Variants in GRM5 observed in about 807,000 individuals in gnomAD.
GRM5 encodes the protein metabotropic glutamate receptor 5.
GRM5 carries 19 observed loss-of-function variants against 83.1 expected under a neutral mutation model. That is an observed-to-expected ratio of 0.23 (90% confidence interval 0.16 to 0.34). The LOEUF (loss-of-function observed/expected upper bound fraction) is 0.34. Ranked by LOEUF, GRM5 falls within the 10% of genes least tolerant of loss-of-function variation. The pLI is 1.00. For synonymous variants in GRM5, 675 were observed against 633.6 expected, an observed-to-expected ratio of 1.07 and a Z score of -0.98; for missense variants, 1,160 against 1,588.3, an observed-to-expected ratio of 0.73 and a Z score of 4.58.
At chr11:88,777,391 T>C (rs1472870670) in intron 3 of GRM5, among the ~76,000 whole-genome samples, 1 of 152,204 alleles carries the variant, frequency 6.6e-6, no homozygotes, top group Non-Finnish European at 1.5e-5. Context: ...CATCCTTCTT[T>C]AGCTTGGAGA....
intron 4 of GRM5, among the ~76,000 whole-genome samples, chr11:88,644,465 G>C (rs1279595902): frequency 1.3e-5 from 2 of 152,134 alleles, no homozygotes; most frequent in Non-Finnish European, 2.9e-5. Context: ...ATAATTTAAT[G>C]GAGAAAGATG....
At chr11:88,919,961 G>A (rs511928) in intron 2 of GRM5, among the ~76,000 whole-genome samples, 145,645 of 152,128 alleles carry the variant, frequency 0.96, 69,799 homozygotes, top group East Asian at 0.99. Context: ...ATAAATTTTA[G>A]ATAAAAAACC....
intron 3 of GRM5, among the ~76,000 whole-genome samples, chr11:88,733,148 G>A (rs1393413062): frequency 6.6e-6 from 1 of 151,920 alleles, no homozygotes; most frequent in East Asian, 1.9e-4. Context: ...GTTTCTCTGA[G>A]TATTGATGCA....
At chr11:88,647,900 A>G (rs1381176405) in intron 4 of GRM5, among the ~76,000 whole-genome samples, 1 of 151,910 alleles carries the variant, frequency 6.6e-6, no homozygotes, top group African/African-American at 2.4e-5. Context: ...AACACATGAA[A>G]AAATGCTCAT....
chr11:88,654,934 G>A lies in GRM5; in HGVS notation c.912-1531C>T, dbSNP rs1334442834. Among the ~76,000 whole-genome samples the A allele has an allele frequency of 3.9e-5, 6 of 151,926 alleles. No individual in the cohort carries two copies. In the East Asian group the frequency reaches 9.7e-4, roughly 25 times the overall value. The stretch of plus-strand genomic sequence containing the variant: ...ACTTTGATATAAATATTGATAATTG[G>A]GAGTTATTCCAAATGTCATATATTA... On this transcript the variant is annotated intron_variant, in intron 3 of 9. Coordinates refer to ENST00000305447, the MANE Select transcript of GRM5 (RefSeq NM_001143831.3).
rs201631700 is a variant in GRM5, at chr11:88,523,006, CCT to C, written c.2726+2301_2726+2302del. The C allele has an allele frequency of 1.0e-2, 1,519 of 152,220 alleles. 32 individuals carry two copies. The highest frequency in any genetic ancestry group is 0.034 in the African/African-American group (1,409 of 41,518). 9.4% of individuals were successfully genotyped at this position (152,220 alleles called of 1,614,324 possible). ...GGATCTCCTACTCTCTGTGTACTAC[CCT>C]CTCTGTCCCTTTCCCCTCATTCTCA... is the stretch of plus-strand genomic sequence containing the variant. On this transcript the variant is annotated intron_variant, in intron 9 of 9. Transcript: ENST00000305447.
intron 2 of GRM5, among the ~76,000 whole-genome samples, chr11:88,950,381 TAA>T (rs1196557362): frequency 6.8e-6 from 1 of 147,550 alleles, no homozygotes; most frequent in African/African-American, 2.5e-5. Flanking sequence ...TGTGTGTGTG[TAA>T]CATATGCACA....
At chr11:88,958,093 C>A (rs1342232835) in intron 2 of GRM5, among the ~76,000 whole-genome samples, 1 of 151,806 alleles carries the variant, frequency 6.6e-6, no homozygotes, top group Non-Finnish European at 1.5e-5. Flanking sequence ...CACTTTAACT[C>A]AACTACTTCC....
chr11:88,862,350 C>A (rs1944580016), intron 2 of GRM5, among the ~76,000 whole-genome samples: 2 of 151,730 alleles, frequency 1.3e-5, no homozygotes, highest in South Asian at 2.1e-4. Context: ...TATATTTTTT[C>A]TTTTTGTGAC....
At chr11:88,994,930 T>G (rs1405722880) in intron 2 of GRM5, among the ~76,000 whole-genome samples, 1 of 152,276 alleles carries the variant, frequency 6.6e-6, no homozygotes, top group East Asian at 1.9e-4. Flanking sequence ...TACCTATGCT[T>G]TCATTCCTTC....
intron 2 of GRM5, among the ~76,000 whole-genome samples, chr11:89,017,050 G>A (rs1360239984): frequency 2.0e-5 from 3 of 152,052 alleles, no homozygotes; most frequent in Non-Finnish European, 2.9e-5. Context: ...ACTACACAGA[G>A]GTAGATATAA....
intron 3 of GRM5, among the ~76,000 whole-genome samples, chr11:88,717,886 A>C (rs1192003436): frequency 6.6e-6 from 1 of 151,802 alleles, no homozygotes; most frequent in African/African-American, 2.4e-5. Flanking sequence ...TAGAAGGATA[A>C]TTACGTATTA....
chr11:88,518,130 G>C (rs1026558300), intron 9 of GRM5, among the ~76,000 whole-genome samples: 1 of 151,734 alleles, frequency 6.6e-6, no homozygotes, highest in Non-Finnish European at 1.5e-5. Flanking sequence ...TAAGAAAAGA[G>C]ACTGTTCAAT....
chr11:88,889,388 T>C (rs1439322805), intron 2 of GRM5, among the ~76,000 whole-genome samples: 1 of 152,174 alleles, frequency 6.6e-6, no homozygotes, highest in Non-Finnish European at 1.5e-5. Flanking sequence ...GTCAGATCTC[T>C]TTCACTGTCT....
chr11:88,815,649 C>A (rs1294243456), intron 3 of GRM5, among the ~76,000 whole-genome samples: 1 of 152,124 alleles, frequency 6.6e-6, no homozygotes, highest in Non-Finnish European at 1.5e-5. Flanking sequence ...GTGCAGAGAT[C>A]ACAAGGTGAT....
intron 4 of GRM5, among the ~76,000 whole-genome samples, chr11:88,631,270 A>G (rs965890867): frequency 2.6e-5 from 4 of 152,238 alleles, no homozygotes; most frequent in Admixed American, 6.5e-5. Flanking sequence ...CATATGAAGA[A>G]TAAGGTTATG....
intron 2 of GRM5, among the ~76,000 whole-genome samples, chr11:88,973,303 C>G (rs528176589): frequency 6.6e-6 from 1 of 152,062 alleles, no homozygotes; most frequent in Non-Finnish European, 1.5e-5. Flanking sequence ...CTAAAGGTAT[C>G]AGGTTCTGAA....
intron 2 of GRM5, among the ~76,000 whole-genome samples, chr11:88,944,181 C>T (rs558249): frequency 0.3 from 45,268 of 151,658 alleles, 8,057 homozygotes; most frequent in East Asian, 0.43. Flanking sequence ...ATGATGTAGA[C>T]GCAAACAGGC....
chr11:88,988,447 T>C (rs988630587), intron 2 of GRM5, among the ~76,000 whole-genome samples: 30 of 152,082 alleles, frequency 2.0e-4, no homozygotes, highest in African/African-American at 5.8e-4. Flanking sequence ...CAGGATATTA[T>C]CCAGGAGAAC....
Sources: gnomAD v4.1 joint callset for allele counts (sites outside exome capture counted in the v4.1 genomes callset) on GRCh38, gnomAD v4.1.1 for gene constraint, MANE v1.5 for transcripts, NCBI Gene and HGNC (gene_info 2026-07-23, HGNC 2026-07-21) for gene names.